The following ACAA1 variants were observed in gnomAD, a reference collection of about 807,000 sequenced individuals.
The protein encoded by ACAA1 is acetyl-CoA acyltransferase 1.
ACAA1 carries 44 observed loss-of-function variants against 48.8 expected under a neutral mutation model. The observed-to-expected ratio is 0.90, with a 90% CI of 0.71 to 1.16. The LOEUF (loss-of-function observed/expected upper bound fraction) is 1.16. Among genes scored for constraint, ACAA1 ranks in the 50% most tolerant of loss-of-function variants. The pLI is 0.00. For missense variants in ACAA1, 512 were observed against 562.3 expected (o/e 0.91, Z 0.90); for synonymous variants, 233 against 226.5 (o/e 1.03, Z -0.26).
chr3:38,136,760 G>A, intron 1 of ACAA1, 75 bp from the exon 2 acceptor site: 1 of 1,500,978 alleles, frequency 6.7e-7, no homozygotes. Flanking sequence ...GACCACAGCT[G>A]GGTGCGGAGC....
At position 38,126,085 on chromosome 3, in the gene ACAA1, A is replaced by G. The variant is rs1700675817; in HGVS notation, c.997+77T>C. On this transcript the variant is annotated intron_variant, in intron 9 of 11. Transcript: ENST00000333167. This position sits in a 1 kb window ranked among gnomAD's most constrained non-coding sequence, Gnocchi z 4.7. ...CTGCAGCACCCACAGGACCACCCTC[A>G]TGCCCCTGGCAACAGCATGCAGGGC... 6.5e-7 allele frequency: 1 copy of G among 1,544,612 alleles called. No homozygotes were observed. Among genetic ancestry groups the G allele is most frequent in the African/African-American group, 1.4e-5 (1 of 73,722 alleles).
At chr3:38,133,260 A>G (rs919219841) in intron 3 of ACAA1, among the ~76,000 whole-genome samples, 2 of 152,128 alleles carry the variant, frequency 1.3e-5, no homozygotes, top group African/African-American at 4.8e-5. Flanking sequence ...GAACGAAGAA[A>G]AGTCAAGGTG....
At position 38,137,087 on chromosome 3, in the gene ACAA1, G is replaced by A. The variant is rs1260965871; in HGVS notation, c.-52C>T. On this transcript the variant is annotated 5_prime_UTR_variant, in exon 1 of 12. Transcript: ENST00000333167. ...CACCAGTCCGGGAACTGACCGCGGA[G>A]TTAACAGACAGCCGTCCGCACACGC... 7.0e-7 allele frequency: 1 copy of A among 1,429,806 alleles called. No homozygotes were observed. Among genetic ancestry groups the A allele is most frequent in the Non-Finnish European group, 9.3e-7 (1 of 1,070,352 alleles). The allele number at this position is 1,429,806 out of a possible 1,614,324, so 88.6% of individuals were successfully genotyped here.
intron 9 of ACAA1, 84 bp from the exon 10 acceptor site, chr3:38,125,965 C>T (rs1277762083): frequency 8.2e-6 from 13 of 1,589,080 alleles, no homozygotes; most frequent in Non-Finnish European, 1.0e-5. Context: ...CTACAGGCTG[C>T]CTGGTGTGTG....
rs1032054414 is a variant in ACAA1, at chr3:38,126,070, C to T, written c.997+92G>A. Reference sequence around the variant, plus strand: ...TGCCCCACCTCCACTCTGCAGCACCCACAGGACCACCCTCATGCCCCTGGC... The same window carrying T: ...TGCCCCACCTCCACTCTGCAGCACCTACAGGACCACCCTCATGCCCCTGGC... On this transcript the variant is annotated intron_variant, in intron 9 of 11. Transcript: ENST00000333167. This position sits in a 1 kb window ranked among gnomAD's most constrained non-coding sequence, Gnocchi z 4.7. 2.0e-6 allele frequency: 3 copies of T among 1,513,694 alleles called. No homozygotes were observed. In the African/African-American group the frequency reaches 4.1e-5, roughly 21 times the overall value. The allele number at this position is 1,513,694 out of a possible 1,614,324, so 93.8% of individuals were successfully genotyped here.
chr3:38,131,599 C>T lies in ACAA1; in HGVS notation c.443G>A (p.Cys148Tyr). 4 of 1,614,210 alleles carry T rather than the reference C, an allele frequency of 2.5e-6. No individual in the cohort carries two copies. Among genetic ancestry groups the T allele is most frequent in the Non-Finnish European group, 3.4e-6 (4 of 1,180,026 alleles). The change falls in exon 5 of 12, where the codon TGT becomes TAT. Residue 148 changes from cysteine to tyrosine, a missense_variant. Cys to Tyr is a radical substitution (Grantham distance 194). Transcript: ENST00000333167. ...RNGSYDIGMA[C>Y]GVESMSLADR... The stretch of plus-strand genomic sequence containing the variant: ...TCCGGCAGAAAAAAATTCTTACCCA[C>T]AGGCCATGCCAATGTCATAAGACCC...
intron 2 of ACAA1, 148 bp downstream of exon 2, chr3:38,136,444 A>G: frequency 1.3e-6 from 1 of 748,722 alleles, no homozygotes. Flanking sequence ...GACGAGAAAT[A>G]CCCACAGGTG....
chr3:38,134,033 A>G (rs1325983816), intron 2 of ACAA1, 24 bp from the exon 3 acceptor site: 2 of 1,608,624 alleles, frequency 1.2e-6, no homozygotes, highest in Non-Finnish European at 1.7e-6. Context: ...ACTTTCATTC[A>G]GTGCCAGGCG....
intron 7 of ACAA1, 171 bp downstream of exon 7, chr3:38,127,615 C>T (rs1441515888): frequency 1.2e-5 from 8 of 646,104 alleles, no homozygotes; most frequent in African/African-American, 3.6e-5. Flanking sequence ...ACTACCAACT[C>T]ACAGTGGCCC....
Position 38,122,719 on chromosome 3 carries a change from T to G in ACAA1, c.*328A>C. 3 of 1,363,500 alleles carry G rather than the reference T, an allele frequency of 2.2e-6. No individual in the cohort carries two copies. Among genetic ancestry groups the G allele is most frequent in the Non-Finnish European group, 1.9e-6 (2 of 1,044,366 alleles). 84.5% of individuals were successfully genotyped at this position (1,363,500 alleles called of 1,614,324 possible). A position where few individuals can be genotyped will look rare whatever the true frequency, so the allele number is the denominator to read the frequency against. Reference sequence around the variant, plus strand: ...AAAAAACCACAGCCACTAAGATAAATTCATGCACTTTTACTATGCCCATTG... The same window carrying G: ...AAAAAACCACAGCCACTAAGATAAAGTCATGCACTTTTACTATGCCCATTG... On this transcript the variant is annotated 3_prime_UTR_variant, in exon 12 of 12. Coordinates refer to ENST00000333167, the MANE Select transcript of ACAA1 (RefSeq NM_001607.4).
chr3:38,129,720 C>T lies in ACAA1; in HGVS notation c.447-332G>A, dbSNP rs1700748258. Among the ~76,000 whole-genome samples the T allele has an allele frequency of 6.6e-6, 1 of 152,230 alleles. No individual in the cohort carries two copies. The highest frequency in any genetic ancestry group is 6.5e-5 in the Admixed American group (1 of 15,286). ...GCTGTCAGCCACAGAGGAGGAAACA[C>T]ATCCACAAGCCAGGGCCTGCCCTCA... On this transcript the variant is annotated intron_variant, in intron 5 of 11. Transcript: ENST00000333167. This position sits in a 1 kb window ranked among gnomAD's most constrained non-coding sequence, Gnocchi z 5.3.
Position 38,125,623 on chromosome 3 carries a change from A to C in ACAA1, c.1141T>G (p.Cys381Gly), listed in dbSNP as rs771877476. 1.3e-6 allele frequency: 2 copies of C among 1,598,522 alleles called. No individual in the cohort carries two copies. The highest frequency in any genetic ancestry group is 2.7e-5 in the African/African-American group (2 of 74,430). The change falls in exon 11 of 12, where the codon TGC becomes GGC. Residue 381 changes from cysteine to glycine, a missense_variant. By Grantham distance (159) the Cys-to-Gly change is radical. Transcript: ENST00000333167. ...GAVALGHPLG[C>G]TGARQVITLL... ...GTGATGACCTGTCGTGCCCCAGTGC[A>C]GCCCAGTGGGTGCCCTAAGGCCACT...
chr3:38,133,133 G>A (rs1301715117), intron 3 of ACAA1, among the ~76,000 whole-genome samples: 8 of 152,188 alleles, frequency 5.3e-5, no homozygotes, highest in Admixed American at 3.9e-4. Context: ...CCAAAATGGT[G>A]AGACTGTGTT....
chr3:38,129,434 A>C lies in ACAA1; in HGVS notation c.447-46T>G. On this transcript the variant is annotated intron_variant, in intron 5 of 11. Coordinates refer to ENST00000333167, the MANE Select transcript of ACAA1 (RefSeq NM_001607.4). The surrounding 1 kb of genome is among the most constrained non-coding windows in gnomAD (Gnocchi z 5.3). ...GAGAAGGTAAGGTGAACTGGGCCCT[A>C]GCAGGACTCCTCCAGAGATAGCTGA... 1 of 1,455,572 alleles carries C rather than the reference A, an allele frequency of 6.9e-7. No homozygotes were observed. The highest frequency in any genetic ancestry group is 9.6e-7 in the Non-Finnish European group (1 of 1,038,606). The allele number at this position is 1,455,572 out of a possible 1,614,324, so 90.2% of individuals were successfully genotyped here.
In ACAA1 at chr3:38,126,157, C is replaced by T; in HGVS notation, c.997+5G>A. On this transcript the variant is annotated splice_donor_5th_base_variant and intron_variant, in intron 9 of 11. Transcript: ENST00000333167. The surrounding 1 kb of genome is among the most constrained non-coding windows in gnomAD (Gnocchi z 4.7). Reference sequence around the variant, plus strand: ...CCCAGATACTATATGAAGGAGCCACCTTACCTGCTTTTTGCAAAGCTACTG... The same window carrying T: ...CCCAGATACTATATGAAGGAGCCACTTTACCTGCTTTTTGCAAAGCTACTG... The T allele has an allele frequency of 1.9e-6, 3 of 1,612,914 alleles. No homozygotes were observed. The highest frequency in any genetic ancestry group is 1.1e-5 in the South Asian group (1 of 90,988).
In ACAA1 at chr3:38,126,801, A is replaced by G. The variant is rs895775096; in HGVS notation, c.627-101T>C. On this transcript the variant is annotated intron_variant, in intron 7 of 11. Coordinates refer to ENST00000333167, the MANE Select transcript of ACAA1 (RefSeq NM_001607.4). This position sits in a 1 kb window ranked among gnomAD's most constrained non-coding sequence, Gnocchi z 4.7. ...TGGGTAGACACAAGCTCAGGCTGCT[A>G]AATTCAGGGACATGCTCGACTTTGG... The G allele has an allele frequency of 6.3e-6, 9 of 1,422,302 alleles. No individual in the cohort carries two copies. Among genetic ancestry groups the G allele is most frequent in the Non-Finnish European group, 7.7e-6 (8 of 1,033,876 alleles). 88.1% of individuals were successfully genotyped at this position (1,422,302 alleles called of 1,614,324 possible).
intron 4 of ACAA1, 100 bp downstream of exon 4, chr3:38,131,826 G>A: frequency 7.7e-7 from 1 of 1,296,668 alleles, no homozygotes. Context: ...TGTGGTTAGA[G>A]TCCTCAGAAA....
chr3:38,129,000 G>T (rs1239504007), intron 6 of ACAA1, among the ~76,000 whole-genome samples: 1 of 152,188 alleles, frequency 6.6e-6, no homozygotes, highest in African/African-American at 2.4e-5. Context: ...GGCCCCCAAG[G>T]CTTTGGAGTG....
intron 3 of ACAA1, 147 bp from the exon 4 acceptor site, chr3:38,132,152 G>T: frequency 3.2e-6 from 2 of 622,766 alleles, no homozygotes; most frequent in Non-Finnish European, 5.6e-6. Flanking sequence ...TGCCAGGCCA[G>T]ATCCATGGAA....
Sources: gnomAD v4.1 joint callset for allele counts (sites outside exome capture counted in the v4.1 genomes callset) on GRCh38, gnomAD v4.1.1 for gene constraint, Gnocchi (gnomAD v3.1) non-coding constraint, MANE v1.5 for transcripts, NCBI Gene and HGNC (gene_info 2026-07-23, HGNC 2026-07-21) for gene names.